The following ZBTB20 variants were observed in gnomAD, a reference collection of about 807,000 sequenced individuals.
ZBTB20 encodes zinc finger and BTB domain containing 20, also known as zinc finger and BTB domain-containing protein 20.
In ZBTB20, 9 loss-of-function variants were observed where a neutral mutation model predicts 56.9. That is an observed-to-expected ratio of 0.16 (90% CI 0.10 to 0.28). The LOEUF is 0.28. Ranked by LOEUF, ZBTB20 falls within the 10% of genes least tolerant of loss-of-function variation. The pLI is 1.00. For synonymous variants in ZBTB20, 417 were observed against 420.7 expected (o/e 0.99, Z 0.11); for missense variants, 655 against 1,003.0 (o/e 0.65, Z 4.69).
rs2071232874 is a variant in ZBTB20, at chr3:114,794,881, C to T, written c.-343+6220G>A. On this transcript the variant is annotated intron_variant, in intron 5 of 11. Coordinates refer to ENST00000675478, the MANE Select transcript of ZBTB20 (RefSeq NM_001348800.3). ...CAAGGTTTTCTATGCCTCCAGGTGC[C>T]CGGTCATTGCACATGATAAAATACA... Among the ~76,000 whole-genome samples the T allele has an allele frequency of 2.0e-5, 3 of 152,002 alleles. 1 individual carries two copies. The South Asian group carries it at 6.2e-4, about 32-fold the overall frequency.
chr3:114,970,940 G>A (rs951846690), intron 3 of ZBTB20, among the ~76,000 whole-genome samples: 8 of 151,922 alleles, frequency 5.3e-5, no homozygotes, highest in South Asian at 2.1e-4. Flanking sequence ...GCAAGAACCC[G>A]GGAGGTGGAG....
rs1280212392 is a variant in ZBTB20 at position 114,978,685 on chromosome 3, T to TGC, written c.-506-4271_-506-4270dup. On this transcript the variant is annotated intron_variant, in intron 2 of 11. Coordinates refer to ENST00000675478, the MANE Select transcript of ZBTB20 (RefSeq NM_001348800.3). ...TGTACCAGGTGTGTGTGTGTGTGTG[T>TGC]GCTTGTGTGTGCATTAGAAAAAGTA... Among the ~76,000 whole-genome samples, 9 of 151,796 alleles carry TGC rather than the reference T, an allele frequency of 5.9e-5. No individual in the cohort carries two copies. In the East Asian group the frequency reaches 1.2e-3, roughly 20 times the overall value.
chr3:114,517,815 C>A (rs2109885098), intron 6 of ZBTB20, among the ~76,000 whole-genome samples: 1 of 152,118 alleles, frequency 6.6e-6, no homozygotes, highest in Admixed American at 6.5e-5. Context: ...ACCTCATGAT[C>A]CACCCGCCTC....
At chr3:115,067,682 A>G (rs1476847839) in intron 2 of ZBTB20, among the ~76,000 whole-genome samples, 6 of 152,296 alleles carry the variant, frequency 3.9e-5, no homozygotes, top group Non-Finnish European at 8.8e-5. Flanking sequence ...ATACCACTAT[A>G]ATGATATTCA....
chr3:114,730,902 C>A (rs1445352997), intron 5 of ZBTB20, among the ~76,000 whole-genome samples: 1 of 152,180 alleles, frequency 6.6e-6, no homozygotes, highest in Non-Finnish European at 1.5e-5. Flanking sequence ...GACTATGGAA[C>A]ATTCAAGAAA....
intron 7 of ZBTB20, among the ~76,000 whole-genome samples, chr3:114,455,254 T>C (rs1242323986): frequency 6.6e-6 from 1 of 152,066 alleles, no homozygotes; most frequent in Non-Finnish European, 1.5e-5. Flanking sequence ...ACAATTGAAT[T>C]TGAATGATCT....
At chr3:114,713,881 T>A (rs1408092756) in intron 5 of ZBTB20, 1 of 152,624 alleles carries the variant, frequency 6.6e-6, no homozygotes, top group Non-Finnish European at 1.5e-5. Flanking sequence ...ACTAAAAAGA[T>A]CAACAGTTAC....
At chr3:115,059,139 C>A (rs1418037671) in intron 2 of ZBTB20, among the ~76,000 whole-genome samples, 1 of 152,138 alleles carries the variant, frequency 6.6e-6, no homozygotes, top group Non-Finnish European at 1.5e-5. Context: ...CTAATTCCGT[C>A]ATCTCTGCCA....
intron 6 of ZBTB20, chr3:114,599,372 G>T (rs2107617691): frequency 6.6e-6 from 1 of 152,212 alleles, no homozygotes; most frequent in East Asian, 1.9e-4. Context: ...GAAAAACACA[G>T]AAAGGTGATA....
chr3:115,145,452 C>T (rs1457612327), intron 1 of ZBTB20, among the ~76,000 whole-genome samples: 2 of 152,184 alleles, frequency 1.3e-5, no homozygotes, highest in African/African-American at 2.4e-5. Flanking sequence ...TTAACCTAAT[C>T]ACATTCTCCC....
chr3:115,121,686 T>C (rs2084185367), intron 1 of ZBTB20, among the ~76,000 whole-genome samples: 1 of 152,000 alleles, frequency 6.6e-6, no homozygotes, highest in African/African-American at 2.4e-5. Context: ...TTTATTGATA[T>C]TATAGTTTAT....
chr3:114,770,709 T>C (rs1251752991), intron 5 of ZBTB20, among the ~76,000 whole-genome samples: 1 of 152,216 alleles, frequency 6.6e-6, no homozygotes, highest in Non-Finnish European at 1.5e-5. Context: ...TATTGTATCA[T>C]ACAGTGATGA....
chr3:115,146,015 A>G (rs2084954761), intron 1 of ZBTB20, among the ~76,000 whole-genome samples: 1 of 152,192 alleles, frequency 6.6e-6, no homozygotes, highest in African/African-American at 2.4e-5. Context: ...TTTAATAGAA[A>G]AAACAGTGGA....
chr3:114,960,862 G>A (rs1057089271), intron 3 of ZBTB20, among the ~76,000 whole-genome samples: 1 of 152,016 alleles, frequency 6.6e-6, no homozygotes. Flanking sequence ...ACATAGTGAG[G>A]AAATGACAAG....
intron 5 of ZBTB20, among the ~76,000 whole-genome samples, chr3:114,787,938 T>G (rs2070676464): frequency 6.6e-6 from 1 of 152,166 alleles, no homozygotes; most frequent in Admixed American, 6.6e-5. Flanking sequence ...AATTCTCTGC[T>G]TGTTTAAAAC....
At chr3:114,937,306 C>T (rs1490658918) in intron 3 of ZBTB20, among the ~76,000 whole-genome samples, 1 of 152,148 alleles carries the variant, frequency 6.6e-6, no homozygotes, top group Non-Finnish European at 1.5e-5. Flanking sequence ...TAATGGTCGC[C>T]ATTCTAACTG....
rs1576362844 is a variant in ZBTB20, at chr3:114,933,576, T to C, written c.-455-33234A>G. ...ACAGTATCAGGAATAAGCAGTCTTC[T>C]GTGACAAGAGGTGAGTGGTGGAAGG... On this transcript the variant is annotated intron_variant, in intron 3 of 11. Transcript: ENST00000675478. Among the ~76,000 whole-genome samples, 3 of 152,324 alleles carry C rather than the reference T, an allele frequency of 2.0e-5. No homozygotes were observed. The South Asian group carries it at 6.2e-4, about 32-fold the overall frequency.
intron 2 of ZBTB20, among the ~76,000 whole-genome samples, chr3:114,988,371 GA>G (rs1452818847): frequency 2.0e-5 from 3 of 151,246 alleles, no homozygotes; most frequent in African/African-American, 7.3e-5. Flanking sequence ...TTGTCCTTGT[GA>G]TAGTTTGCTG....
intron 2 of ZBTB20, among the ~76,000 whole-genome samples, chr3:115,023,485 C>T (rs1416940881): frequency 6.6e-6 from 1 of 150,722 alleles, no homozygotes; most frequent in East Asian, 1.9e-4. Flanking sequence ...TCTTCTACAT[C>T]TGTTTCTCAC....
Sources: gnomAD v4.1 joint callset for allele counts (sites outside exome capture counted in the v4.1 genomes callset) on GRCh38, gnomAD v4.1.1 for gene constraint, MANE v1.5 for transcripts, NCBI Gene and HGNC (gene_info 2026-07-23, HGNC 2026-07-21) for gene names.